The following NCAPD3 variants were observed in gnomAD, a reference collection of about 807,000 sequenced individuals.
NCAPD3 encodes the protein non-SMC condensin II complex subunit D3.
A neutral mutation model predicts 182.9 loss-of-function variants in NCAPD3; 105 were observed. The ratio of observed to expected loss-of-function variants is 0.57; its 90% CI spans 0.49 to 0.68. The LOEUF (loss-of-function observed/expected upper bound fraction) is 0.68. Among genes scored for constraint, NCAPD3 ranks in the 30% least tolerant of loss-of-function variants. NCAPD3 has a pLI of 0.00. For missense variants in NCAPD3, 1,944 were observed against 1,837.0 expected, an observed-to-expected ratio of 1.06 and a Z score of -1.07; for synonymous variants, 815 against 679.9, an observed-to-expected ratio of 1.20 and a Z score of -3.09.
Position 134,160,038 on chromosome 11 carries a change from A to G in NCAPD3, c.3721T>C (p.Phe1241Leu). The change falls in exon 29 of 35, where the codon TTC (phenylalanine) becomes CTC (leucine). Residue 1241 changes from phenylalanine (F) to leucine (L), a missense_variant. Around this residue, in one of 3 missense-constraint regions of NCAPD3, gnomAD observed 1,803 missense variants for 1,674.6 expected, o/e 1.08. Coordinates refer to ENST00000534548, the MANE Select transcript of NCAPD3 (RefSeq NM_015261.3). ...GCCAGCTGTTTGTCAACTGCAAAGA[A>G]GTCCTTGAGCTCATCTCGGTAATCC... is the stretch of plus-strand genomic sequence containing the variant. ...MQDYRDELKD[F>L]FAVDKQLASE... 2 of 1,614,170 alleles carry G rather than the reference A, an allele frequency of 1.2e-6. No homozygotes were observed. Among genetic ancestry groups the G allele is most frequent in the Non-Finnish European group, 1.7e-6 (2 of 1,180,028 alleles).
intron 10 of NCAPD3, 28 bp from the exon 11 acceptor site, chr11:134,203,934 C>A: frequency 6.2e-7 from 1 of 1,609,048 alleles, no homozygotes; most frequent in South Asian, 1.1e-5. Context: ...TAAGAATTGC[C>A]ATCAGATAGG....
chr11:134,217,007 T>C lies in NCAPD3; in HGVS notation c.311A>G (p.Asn104Ser). Residue 104 changes from asparagine to serine, a missense_variant, in exon 3 of 35, where the codon AAT (asparagine) becomes AGT (serine). Physicochemically the swap from Asn to Ser is conservative, Grantham distance 46 (BLOSUM62 1). This residue lies in a region of NCAPD3 where 131 missense variants were observed against 133.9 expected (regional missense o/e 0.98). Coordinates refer to ENST00000534548, the MANE Select transcript of NCAPD3 (RefSeq NM_015261.3). ...YHFVQIVHKK[N>S]VSVQYREYGL... The stretch of plus-strand genomic sequence containing the variant: ...ATATTCTCGATACTGTACACTGACA[T>C]TCTTCTTATGAACTATTTGAACAAA... The C allele has an allele frequency of 6.2e-7, 1 of 1,614,046 alleles. No homozygotes were observed. The highest frequency in any genetic ancestry group is 1.1e-5 in the South Asian group (1 of 91,052).
At chr11:134,214,455 A>G (rs1325679384) in intron 3 of NCAPD3, among the ~76,000 whole-genome samples, 1 of 152,218 alleles carries the variant, frequency 6.6e-6, no homozygotes, top group Admixed American at 6.5e-5. Context: ...TGTATTAGAA[A>G]CAAAGAAATG....
rs1269025932 is a variant in NCAPD3, at chr11:134,158,427, C to T, written c.3936G>A (p.Val1312=). The T allele has an allele frequency of 1.2e-6, 2 of 1,614,094 alleles. No individual in the cohort carries two copies. The highest frequency in any genetic ancestry group is 1.7e-5 in the Admixed American group (1 of 60,000). ...GQENPAMSPA[V]SQPCTPRASA... Reference sequence around the variant, plus strand: ...TTGCCCTGGGTGTGCAGGGCTGGCTCACGGCAGGTGACATGGCAGGGTTTT... The same window carrying T: ...TTGCCCTGGGTGTGCAGGGCTGGCTTACGGCAGGTGACATGGCAGGGTTTT... The change falls in exon 30 of 35, where the codon GTG becomes GTA. Residue 1312 remains valine, a synonymous_variant. Coordinates refer to ENST00000534548, the MANE Select transcript of NCAPD3 (RefSeq NM_015261.3).
At chr11:134,167,015 T>C (rs1943842624) in intron 27 of NCAPD3, among the ~76,000 whole-genome samples, 1 of 105,018 alleles carries the variant, frequency 9.5e-6, no homozygotes, top group African/African-American at 4.6e-5. Context: ...AGCTGCACAC[T>C]CACTAGTGAG....
intron 13 of NCAPD3, 25 bp from the exon 14 acceptor site, chr11:134,194,763 A>C (rs1172192887): frequency 6.5e-7 from 1 of 1,538,338 alleles, no homozygotes; most frequent in Non-Finnish European, 8.9e-7. Flanking sequence ...CCAAAGGGTC[A>C]TCACAGCTGG....
chr11:134,179,081 C>T (rs1944235204), intron 20 of NCAPD3, 145 bp from the exon 21 acceptor site: 2 of 615,892 alleles, frequency 3.2e-6, no homozygotes, highest in Non-Finnish European at 5.7e-6. Flanking sequence ...AAATACATGG[C>T]TATTGTAAAA....
At chr11:134,181,777 C>T (rs905507196) in intron 19 of NCAPD3, among the ~76,000 whole-genome samples, 1 of 152,158 alleles carries the variant, frequency 6.6e-6, no homozygotes, top group African/African-American at 2.4e-5. Flanking sequence ...TGTAGGAAAC[C>T]ATTCCAAAAC....
chr11:134,153,434 T>C (rs548190536), intron 32 of NCAPD3, 71 bp from the exon 33 acceptor site: 15 of 1,490,396 alleles, frequency 1.0e-5, no homozygotes, highest in Admixed American at 1.0e-4. Flanking sequence ...TAGTTGTCCG[T>C]GGGACGTAGG....
rs1251202813 is a variant in NCAPD3 at position 134,204,932 on chromosome 11, G to A, written c.1056C>T (p.Val352=). Residue 352 remains valine, a synonymous_variant, in exon 9 of 35, where the codon GTC becomes GTT. Transcript: ENST00000534548. This position sits in a 1 kb window ranked among gnomAD's most constrained non-coding sequence, Gnocchi z 4.3. ...AGATGTGCTGCAGTAAGATACGGAC[G>A]ACTGGGAATATACTCTCCTTTAATT... ...VDELKESIFP[V]VRILLQHICA... 23 of 1,613,486 alleles carry A rather than the reference G, an allele frequency of 1.4e-5. No homozygotes were observed. Among genetic ancestry groups the A allele is most frequent in the South Asian group, 7.7e-5 (7 of 91,026 alleles).
chr11:134,162,813 C>A (rs11601650), intron 27 of NCAPD3, among the ~76,000 whole-genome samples: 1 of 152,214 alleles, frequency 6.6e-6, no homozygotes, highest in African/African-American at 2.4e-5. Flanking sequence ...CAAAATGAAG[C>A]TAAGCATCCC....
At chr11:134,182,946 T>G in intron 19 of NCAPD3, 1 of 329,366 alleles carries the variant, frequency 3.0e-6, no homozygotes, top group Non-Finnish European at 6.0e-6. Context: ...GTCGGCAGAT[T>G]AAAACCGTGG....
intron 8 of NCAPD3, 110 bp downstream of exon 8, chr11:134,206,489 C>T: frequency 2.1e-6 from 3 of 1,444,276 alleles, no homozygotes; most frequent in East Asian, 2.3e-5. Context: ...ACCCCCAAAA[C>T]CACCATCAGG....
At chr11:134,188,385 G>C (rs1262922083) in intron 16 of NCAPD3, among the ~76,000 whole-genome samples, 2 of 152,200 alleles carry the variant, frequency 1.3e-5, no homozygotes, top group Non-Finnish European at 2.9e-5. Flanking sequence ...GGCCAAATAA[G>C]GGAATAAAAG....
chr11:134,197,075 A>T (rs777277185), intron 13 of NCAPD3, among the ~76,000 whole-genome samples: 1 of 151,986 alleles, frequency 6.6e-6, no homozygotes, highest in African/African-American at 2.4e-5. Flanking sequence ...TGGTCATTTA[A>T]AAGTGTGTGG....
At chr11:134,190,960 G>A (rs1346968955) in intron 16 of NCAPD3, among the ~76,000 whole-genome samples, 2 of 152,130 alleles carry the variant, frequency 1.3e-5, no homozygotes, top group Non-Finnish European at 2.9e-5. Context: ...TACTTGCTTC[G>A]CTTGAAATCC....
In NCAPD3 at chr11:134,181,167, C is replaced by A; in HGVS notation, c.2469G>T (p.Val823=). ...PAEEQELLTQ[V]CGDVLSTCEH... is the part of the protein sequence containing the mutation. ...CGCAGGTGGAGAGTACATCCCCACA[C>A]ACCTGCGTCAGCAATTCCTACGGCA... The change falls in exon 20 of 35, where the codon GTG becomes GTT. Residue 823 remains valine, a synonymous_variant. Coordinates refer to ENST00000534548, the MANE Select transcript of NCAPD3 (RefSeq NM_015261.3). 6.2e-7 allele frequency: 1 copy of A among 1,613,860 alleles called. No homozygotes were observed. Among genetic ancestry groups the A allele is most frequent in the Non-Finnish European group, 8.5e-7 (1 of 1,179,830 alleles).
At chr11:134,187,830 G>C (rs1944441729) in intron 16 of NCAPD3, among the ~76,000 whole-genome samples, 1 of 152,144 alleles carries the variant, frequency 6.6e-6, no homozygotes, top group African/African-American at 2.4e-5. Context: ...ACTATTCTGT[G>C]AATCTCCAGC....
At chr11:134,203,939 G>T in intron 10 of NCAPD3, 33 bp from the exon 11 acceptor site, 1 of 1,608,598 alleles carries the variant, frequency 6.2e-7, no homozygotes, top group Non-Finnish European at 8.5e-7. Context: ...ATTGCCATCA[G>T]ATAGGAGTAA....
Sources: allele counts gnomAD v4.1 joint callset (sites outside exome capture counted in the v4.1 genomes callset), GRCh38; gene constraint gnomAD v4.1.1; regional missense constraint gnomAD v4.1.1; non-coding constraint Gnocchi (gnomAD v3.1); transcripts MANE v1.5; gene names NCBI Gene and HGNC (gene_info 2026-07-23, HGNC 2026-07-21).